Variants in DLG2 observed in about 807,000 individuals in gnomAD.
DLG2 encodes the protein disks large homolog 2.
A neutral mutation model predicts 132.5 loss-of-function variants in DLG2; 45 were observed. The ratio of observed to expected loss-of-function variants is 0.34; its 90% confidence interval spans 0.27 to 0.44. The LOEUF is 0.44. DLG2 is among the 20% of genes least tolerant of loss of function. DLG2 has a pLI of 1.00. For missense variants in DLG2, 1,045 were observed against 1,196.9 expected, an observed-to-expected ratio of 0.87 and a Z score of 1.87; for synonymous variants, 424 against 419.6, an observed-to-expected ratio of 1.01 and a Z score of -0.13.
At chr11:84,990,178 C>G (rs2056931834) in intron 6 of DLG2, among the ~76,000 whole-genome samples, 2 of 152,152 alleles carry the variant, frequency 1.3e-5, no homozygotes. Context: ...TAAAAATAGG[C>G]CAGTGACTTC....
At chr11:85,371,666 T>C (rs1239064076) in intron 3 of DLG2, among the ~76,000 whole-genome samples, 3 of 152,346 alleles carry the variant, frequency 2.0e-5, no homozygotes, top group Middle Eastern at 3.4e-3. Flanking sequence ...TGCAGAGTTC[T>C]TGACCTGTGG....
At chr11:85,314,460 AACAT>A (rs554183630) in intron 3 of DLG2, among the ~76,000 whole-genome samples, 33 of 151,988 alleles carry the variant, frequency 2.2e-4, no homozygotes, top group African/African-American at 7.7e-4. Flanking sequence ...CTCATATACA[AACAT>A]ACATATATAT....
At chr11:85,404,091 G>C (rs1217438959) in intron 3 of DLG2, among the ~76,000 whole-genome samples, 1 of 151,994 alleles carries the variant, frequency 6.6e-6, no homozygotes, top group Non-Finnish European at 1.5e-5. Context: ...TTTATGAAAA[G>C]AGTAGCTCTG....
intron 6 of DLG2, among the ~76,000 whole-genome samples, chr11:84,813,272 T>C (rs2076764147): frequency 6.6e-6 from 1 of 151,744 alleles, no homozygotes; most frequent in African/African-American, 2.4e-5. Flanking sequence ...CTATGAGAGG[T>C]TGCCATTGAG....
chr11:85,459,992 C>T (rs940149311), intron 3 of DLG2, among the ~76,000 whole-genome samples: 2 of 152,150 alleles, frequency 1.3e-5, no homozygotes, highest in African/African-American at 4.8e-5. Context: ...AGCCTGAAGG[C>T]TATATTGGCA....
At chr11:84,689,929 T>C (rs117496856) in intron 6 of DLG2, among the ~76,000 whole-genome samples, 11,167 of 151,884 alleles carry the variant, frequency 0.074, 513 homozygotes, top group Middle Eastern at 0.11. Context: ...TCAAAAAATA[T>C]TTTGTGGATT....
chr11:85,599,867 A>G (rs552892328), intron 2 of DLG2, among the ~76,000 whole-genome samples: 100 of 152,342 alleles, frequency 6.6e-4, no homozygotes, highest in Middle Eastern at 3.4e-3. Context: ...CATCCTTGAA[A>G]AAGTCACTAG....
At chr11:83,662,878 C>T (rs1463343925) in intron 18 of DLG2, among the ~76,000 whole-genome samples, 1 of 152,150 alleles carries the variant, frequency 6.6e-6, no homozygotes, top group Non-Finnish European at 1.5e-5. Flanking sequence ...TTTTGTGGCT[C>T]TCAGCACTGC....
chr11:83,858,625 C>A (rs2060931017), intron 16 of DLG2, among the ~76,000 whole-genome samples: 1 of 152,030 alleles, frequency 6.6e-6, no homozygotes, highest in Non-Finnish European at 1.5e-5. Flanking sequence ...TGGCTATGGC[C>A]CTTGAGTAAA....
intron 3 of DLG2, among the ~76,000 whole-genome samples, chr11:85,499,909 A>G (rs1197567965): frequency 6.6e-6 from 1 of 152,234 alleles, no homozygotes; most frequent in Non-Finnish European, 1.5e-5. Flanking sequence ...TTTCATGCTT[A>G]AATCTCCCAA....
intron 3 of DLG2, among the ~76,000 whole-genome samples, chr11:85,527,850 C>G (rs2074898256): frequency 6.6e-6 from 1 of 152,180 alleles, no homozygotes; most frequent in African/African-American, 2.4e-5. Flanking sequence ...ACATCCTCAC[C>G]AGCAACGGTT....
intron 27 of DLG2, among the ~76,000 whole-genome samples, chr11:83,460,767 G>T (rs1270924443): frequency 3.9e-5 from 6 of 152,062 alleles, no homozygotes; most frequent in Non-Finnish European, 8.8e-5. Context: ...TTATTGTATT[G>T]TATACAAAAT....
At chr11:84,946,195 T>C (rs538460742) in intron 6 of DLG2, among the ~76,000 whole-genome samples, 8 of 152,214 alleles carry the variant, frequency 5.3e-5, no homozygotes, top group East Asian at 1.9e-4. Context: ...GTCCACTTAG[T>C]GCTCTACGTC....
intron 5 of DLG2, among the ~76,000 whole-genome samples, chr11:85,134,945 G>C (rs2076045872): frequency 6.6e-6 from 1 of 152,124 alleles, no homozygotes; most frequent in South Asian, 2.1e-4. Context: ...TAAAATCCAT[G>C]CTCTGGTCCA....
At chr11:84,678,028 G>A (rs2099718608) in intron 6 of DLG2, among the ~76,000 whole-genome samples, 1 of 152,022 alleles carries the variant, frequency 6.6e-6, no homozygotes, top group Non-Finnish European at 1.5e-5. Context: ...TAAGTATCAA[G>A]GCAATTAATG....
In DLG2 at chr11:83,627,744, A is replaced by G. The variant is rs113015997; in HGVS notation, c.1940+5467T>C. On this transcript the variant is annotated intron_variant, in intron 19 of 27. Transcript: ENST00000376104. ...GTATATACCCAGTAATGGGATGGCT[A>G]GGTCAAATGGTATTTCTAGTTCTAG... Among the ~76,000 whole-genome samples, 854 of 152,190 alleles carry G rather than the reference A, an allele frequency of 5.6e-3. 10 individuals are homozygous for G. The highest frequency in any genetic ancestry group is 0.018 in the African/African-American group (752 of 41,530).
chr11:84,000,286 A>C (rs11501812), intron 11 of DLG2, among the ~76,000 whole-genome samples: 12,501 of 152,126 alleles, frequency 0.082, 588 homozygotes, highest in African/African-American at 0.12. Context: ...TCCGAACTTT[A>C]AGAAAGGTCT....
intron 4 of DLG2, among the ~76,000 whole-genome samples, chr11:85,160,513 T>C (rs1195142814): frequency 1.3e-5 from 2 of 152,222 alleles, no homozygotes; most frequent in East Asian, 3.8e-4. Context: ...CGTTTGACTA[T>C]AGGTCATCAA....
intron 6 of DLG2, among the ~76,000 whole-genome samples, chr11:84,644,037 G>A (rs2099671396): frequency 6.6e-6 from 1 of 152,148 alleles, no homozygotes; most frequent in Non-Finnish European, 1.5e-5. Flanking sequence ...AGTGGTAGAT[G>A]GGGAATTTAA....
Sources: allele counts gnomAD v4.1 joint callset (sites outside exome capture counted in the v4.1 genomes callset), GRCh38; gene constraint gnomAD v4.1.1; transcripts MANE v1.5; gene names NCBI Gene and HGNC (gene_info 2026-07-23, HGNC 2026-07-21).